Variants in LYST observed in about 807,000 individuals in gnomAD.
LYST encodes the protein lysosomal trafficking regulator, also known as lysosomal-trafficking regulator.
In LYST, 192 loss-of-function variants were observed where a neutral mutation model predicts 413.6. That is an observed-to-expected ratio of 0.46 (90% confidence interval 0.41 to 0.52). The LOEUF is 0.52. LYST is among the 20% of genes least tolerant of loss of function. The probability of loss-of-function intolerance (pLI) is 0.00; values close to 1 mark genes in which losing one functional copy is unlikely to be tolerated. For missense variants in LYST, 3,815 were observed against 4,499.9 expected (o/e 0.85, Z 4.35); for synonymous variants, 1,525 against 1,567.3 (o/e 0.97, Z 0.64).
At chr1:235,832,020 C>T (rs1676044132) in intron 2 of LYST, among the ~76,000 whole-genome samples, 1 of 152,204 alleles carries the variant, frequency 6.6e-6, no homozygotes, top group Non-Finnish European at 1.5e-5. Context: ...ATTCATGCCA[C>T]AGCACTTAAG....
chr1:235,707,388 A>G (rs1003502762), intron 44 of LYST, among the ~76,000 whole-genome samples: 2 of 152,090 alleles, frequency 1.3e-5, no homozygotes, highest in African/African-American at 4.8e-5. Context: ...GCACTTTGGG[A>G]GGCTGAGGTG....
intron 44 of LYST, among the ~76,000 whole-genome samples, chr1:235,707,137 CATTTGGACTCT>C (rs1187984959): frequency 1.3e-5 from 2 of 152,166 alleles, no homozygotes; most frequent in Non-Finnish European, 2.9e-5. Context: ...TCAGCGGCCT[CATTTGGACTCT>C]ACTACTACAT....
At position 235,862,810 on chromosome 1, in the gene LYST, C is replaced by A. The variant is rs1401197026; in HGVS notation, c.-98+4033G>T. On this transcript the variant is annotated intron_variant, in intron 1 of 52. Transcript: ENST00000389793. ...GTCTCCATCTCAAAACAAACAAACA[C>A]ACACACACACACACACACACACACA... Among the ~76,000 whole-genome samples the A allele has an allele frequency of 9.0e-5, 7 of 77,638 alleles. No homozygotes were observed. The East Asian group carries it at 1.7e-3, about 18-fold the overall frequency. The allele number at this position is 77,638 out of a possible 152,430, so 50.9% of individuals were successfully genotyped here.
intron 10 of LYST, among the ~76,000 whole-genome samples, chr1:235,794,141 C>A (rs1671319295): frequency 6.6e-6 from 1 of 152,126 alleles, no homozygotes; most frequent in Non-Finnish European, 1.5e-5. Context: ...CCAGCATGAG[C>A]TCACTTTTCT....
At chr1:235,692,794 G>C (rs1284212847) in intron 47 of LYST, among the ~76,000 whole-genome samples, 1 of 151,966 alleles carries the variant, frequency 6.6e-6, no homozygotes, top group Non-Finnish European at 1.5e-5. Flanking sequence ...GCCAAGGCGG[G>C]TGAATCATTT....
chr1:235,863,248 C>T (rs1189874217), intron 1 of LYST, among the ~76,000 whole-genome samples: 2 of 151,702 alleles, frequency 1.3e-5, no homozygotes, highest in African/African-American at 2.4e-5. Context: ...AAAAATCAGC[C>T]GGGTGTGGTG....
chr1:235,752,948 A>G (rs1293206138), intron 26 of LYST, 96 bp downstream of exon 26: 10 of 680,126 alleles, frequency 1.5e-5, no homozygotes, highest in South Asian at 3.5e-5. Flanking sequence ...GGCTTCTTAC[A>G]TAGGTAAACT....
intron 46 of LYST, among the ~76,000 whole-genome samples, chr1:235,696,037 C>T (rs1661077878): frequency 6.6e-6 from 1 of 152,120 alleles, no homozygotes; most frequent in East Asian, 1.9e-4. Context: ...TTGTAACATA[C>T]TAGTAAGAAT....
intron 31 of LYST, chr1:235,737,080 T>G (rs1308854153): frequency 6.6e-6 from 1 of 152,106 alleles, no homozygotes; most frequent in Non-Finnish European, 1.5e-5. Context: ...TTGGTTGAAG[T>G]TGGCAGCCTG....
chr1:235,852,223 ATC>A (rs1382511017), intron 1 of LYST, among the ~76,000 whole-genome samples: 5 of 152,188 alleles, frequency 3.3e-5, no homozygotes, highest in Non-Finnish European at 7.3e-5. Flanking sequence ...ACCCTACAGA[ATC>A]TTAGTAACAA....
At chr1:235,797,062 A>G (rs1287093026) in intron 10 of LYST, among the ~76,000 whole-genome samples, 1 of 152,244 alleles carries the variant, frequency 6.6e-6, no homozygotes, top group Non-Finnish European at 1.5e-5. Flanking sequence ...TTTGGACAAC[A>G]GTCTGTCAAT....
intron 43 of LYST, among the ~76,000 whole-genome samples, 189 bp from the exon 44 acceptor site, chr1:235,709,497 C>T (rs1463937116): frequency 2.0e-5 from 3 of 149,740 alleles, no homozygotes; most frequent in Non-Finnish European, 4.4e-5. Context: ...ACTAATAGGG[C>T]TATGTGAGCT....
intron 48 of LYST, among the ~76,000 whole-genome samples, chr1:235,679,204 A>G (rs1407908606): frequency 6.6e-6 from 1 of 152,186 alleles, no homozygotes; most frequent in East Asian, 1.9e-4. Context: ...AAGAGTAGTA[A>G]GCCTGGATCC....
chr1:235,712,345 C>T (rs1662464098), intron 42 of LYST, 148 bp from the exon 43 acceptor site: 1 of 620,278 alleles, frequency 1.6e-6, no homozygotes, highest in South Asian at 2.5e-5. Context: ...TATTCATGTT[C>T]TTGAAAATAA....
At chr1:235,784,062 T>G (rs1312662061) in intron 14 of LYST, among the ~76,000 whole-genome samples, 1 of 152,076 alleles carries the variant, frequency 6.6e-6, no homozygotes, top group Non-Finnish European at 1.5e-5. Flanking sequence ...TTATTTTTAG[T>G]GGAGACAGGG....
chr1:235,858,404 T>C (rs1230928828), intron 1 of LYST, among the ~76,000 whole-genome samples: 1 of 152,166 alleles, frequency 6.6e-6, no homozygotes, highest in Non-Finnish European at 1.5e-5. Flanking sequence ...ATTAATATTG[T>C]TATAATTAGC....
intron 5 of LYST, 30 bp downstream of exon 5, chr1:235,808,419 ACCCCCG>A: frequency 1.2e-6 from 2 of 1,600,500 alleles, no homozygotes; most frequent in African/African-American, 2.7e-5. Flanking sequence ...ATGCTCAACA[ACCCCCG>A]CCCCCGCCGC....
intron 22 of LYST, among the ~76,000 whole-genome samples, chr1:235,761,974 C>T (rs1316918266): frequency 6.0e-5 from 5 of 82,884 alleles, no homozygotes; most frequent in East Asian, 7.2e-4. Flanking sequence ...GGCCTGTTGT[C>T]GGGTGGGGGG....
At chr1:235,712,386 T>G (rs192294602) in intron 42 of LYST, 189 bp from the exon 43 acceptor site, 52 of 530,840 alleles carry the variant, frequency 9.8e-5, no homozygotes, top group African/African-American at 8.5e-4. Flanking sequence ...TCATATTACA[T>G]TTTTCATCTG....
Sources: gnomAD v4.1 joint callset for allele counts (sites outside exome capture counted in the v4.1 genomes callset) on GRCh38, gnomAD v4.1.1 for gene constraint, MANE v1.5 for transcripts, NCBI Gene and HGNC (gene_info 2026-07-23, HGNC 2026-07-21) for gene names.